Variants in NADSYN1 observed in about 807,000 individuals in gnomAD.
The protein encoded by NADSYN1 is glutamine-dependent NAD(+) synthetase.
Under a neutral mutation model 99.3 loss-of-function variants are expected in NADSYN1, and 80 were observed. The ratio of observed to expected loss-of-function variants is 0.81; its 90% CI spans 0.67 to 0.97. The LOEUF (loss-of-function observed/expected upper bound fraction) is 0.97, where lower values mean the gene tolerates loss of function less well. Ranked by LOEUF, NADSYN1 falls within the 50% of genes least tolerant of loss-of-function variation. The pLI, the probability that NADSYN1 is intolerant of heterozygous loss-of-function variation, is 0.00. For synonymous variants in NADSYN1, 385 were observed against 372.1 expected, an observed-to-expected ratio of 1.03 and a Z score of -0.40; for missense variants, 859 against 948.5, an observed-to-expected ratio of 0.91 and a Z score of 1.24.
chr11:71,469,925 C>CAAAAAAAAAAAAA (rs1187640837), intron 5 of NADSYN1, among the ~76,000 whole-genome samples: 2 of 23,978 alleles, frequency 8.3e-5, no homozygotes, highest in African/African-American at 2.2e-4. Flanking sequence ...GAGCCTGTCT[C>CAAAAAAAAAAAAA]AGAAAAAAAA....
At chr11:71,454,181 G>A (rs1169969286) in intron 1 of NADSYN1, among the ~76,000 whole-genome samples, 1 of 152,132 alleles carries the variant, frequency 6.6e-6, no homozygotes, top group African/African-American at 2.4e-5. Context: ...TCAAGAGATG[G>A]CATCTAATCA....
At position 71,472,491 on chromosome 11, in the gene NADSYN1, G is replaced by C. The variant is rs754952205; in HGVS notation, c.450G>C (p.Leu150=). 1 of 1,613,808 alleles carries C rather than the reference G, an allele frequency of 6.2e-7. No homozygotes were observed. Among genetic ancestry groups the C allele is most frequent in the Admixed American group, 1.7e-5 (1 of 60,028 alleles). The part of the protein sequence containing the change: ...EYFLPRMIQD[L]TKQETVPFGD... Reference sequence around the variant, plus strand: ...TTCTGCCTCGGATGATACAGGACCTGACAAAGCAGGTGAGTCCCTGGGTGT... The same window carrying C: ...TTCTGCCTCGGATGATACAGGACCTCACAAAGCAGGTGAGTCCCTGGGTGT... The change falls in exon 6 of 21, where the codon CTG becomes CTC. Residue 150 remains leucine, a synonymous_variant. Coordinates refer to ENST00000319023, the MANE Select transcript of NADSYN1 (RefSeq NM_018161.5).
chr11:71,490,972 C>G lies in NADSYN1; in HGVS notation c.1690C>G (p.Gln564Glu). 1 of 1,614,146 alleles carries G rather than the reference C, an allele frequency of 6.2e-7. No individual in the cohort carries two copies. Residue 564 changes from glutamine to glutamate, a missense_variant, in exon 17 of 21, where the codon CAG becomes GAG. By Grantham distance (29) the Gln-to-Glu change is conservative. Transcript: ENST00000319023. ...CIQRFQLPAL[Q>E]SILLAPATAE... ...CCAGCGCTTCCAGCTTCCTGCCCTG[C>G]AGAGGTGAGTGTGCTCACGGGCTGT... is the stretch of plus-strand genomic sequence containing the variant.
chr11:71,464,370 C>G (rs569021370), intron 5 of NADSYN1: 3 of 477,120 alleles, frequency 6.3e-6, no homozygotes, highest in East Asian at 7.3e-5. Flanking sequence ...GCAGCCCCGG[C>G]AGGGGCTCAG....
chr11:71,485,346 G>T, intron 15 of NADSYN1, 196 bp from the exon 16 acceptor site: 1 of 451,692 alleles, frequency 2.2e-6, no homozygotes, highest in South Asian at 2.9e-5. Flanking sequence ...CTGAGCTTGT[G>T]TGAGCCCTGT....
intron 16 of NADSYN1, among the ~76,000 whole-genome samples, chr11:71,488,997 C>T (rs937417527): frequency 1.4e-4 from 22 of 151,868 alleles, no homozygotes; most frequent in African/African-American, 5.1e-4. Context: ...GCCTGGCCAG[C>T]GCGCCCACAG....
intron 13 of NADSYN1, 28 bp from the exon 14 acceptor site, chr11:71,482,821 C>T (rs1218085377): frequency 6.2e-7 from 1 of 1,609,852 alleles, no homozygotes; most frequent in Admixed American, 1.7e-5. Context: ...CAGGTGACTT[C>T]CACCCATTCT....
chr11:71,468,341 G>A (rs1373108269), intron 5 of NADSYN1, among the ~76,000 whole-genome samples: 1 of 152,188 alleles, frequency 6.6e-6, no homozygotes, highest in Non-Finnish European at 1.5e-5. Context: ...AATGTCTAGT[G>A]TGTAGTAAAA....
At chr11:71,469,572 A>G (rs1949613820) in intron 5 of NADSYN1, among the ~76,000 whole-genome samples, 1 of 152,232 alleles carries the variant, frequency 6.6e-6, no homozygotes, top group Non-Finnish European at 1.5e-5. Context: ...CGGGAAACAA[A>G]GGGATGGGCT....
At position 71,453,267 on chromosome 11, in the gene NADSYN1, T is replaced by A. The variant is rs952189255; in HGVS notation, c.-30T>A. The stretch of plus-strand genomic sequence containing the variant: ...GGACCCTGGTCTTGCTGTCCCCCGC[T>A]GGCCTCCTGCCCAAGCGACTGCGGC... On this transcript the variant is annotated 5_prime_UTR_variant, in exon 1 of 21. Coordinates refer to ENST00000319023, the MANE Select transcript of NADSYN1 (RefSeq NM_018161.5). 2 of 1,606,444 alleles carry A rather than the reference T, an allele frequency of 1.2e-6. No homozygotes were observed. Among genetic ancestry groups the A allele is most frequent in the African/African-American group, 1.3e-5 (1 of 74,636 alleles).
chr11:71,477,250 G>A (rs1949674964), intron 9 of NADSYN1: 1 of 1,222,016 alleles, frequency 8.2e-7, no homozygotes, highest in African/African-American at 1.6e-5. Flanking sequence ...CTCGGGGAGA[G>A]TGGGATGGAG....
intron 3 of NADSYN1, chr11:71,460,312 C>G (rs566625269): frequency 2.2e-4 from 33 of 152,360 alleles, no homozygotes; most frequent in African/African-American, 7.2e-4. Flanking sequence ...GTCACTTCAC[C>G]AAGTTTTCTA....
At position 71,483,018 on chromosome 11, in the gene NADSYN1, G is replaced by T. The variant is rs1949719701; in HGVS notation, c.1319+1G>T. 1 of 1,611,682 alleles carries T rather than the reference G, an allele frequency of 6.2e-7. No individual in the cohort carries two copies. The highest frequency in any genetic ancestry group is 1.1e-5 in the South Asian group (1 of 90,994). On this transcript the variant is annotated splice_donor_variant, in intron 14 of 20. Coordinates refer to ENST00000319023, the MANE Select transcript of NADSYN1 (RefSeq NM_018161.5). LOFTEE classifies it high-confidence loss of function. ...GAGAGTTGGCCCAGCAGATTGGAAG[G>T]TAGAGTTGGTCCCTGGTATTGGGCA...
In NADSYN1 at chr11:71,474,666, C is replaced by T. The variant is rs539533919; in HGVS notation, c.798+140C>T. 3.6e-5 allele frequency: 41 copies of T among 1,152,880 alleles called. No homozygotes were observed. In the African/African-American group the frequency reaches 4.6e-4, roughly 13 times the overall value. The allele number at this position is 1,152,880 out of a possible 1,614,324, so 71.4% of individuals were successfully genotyped here. A position where few individuals can be genotyped will look rare whatever the true frequency, so the allele number is the denominator to read the frequency against. ...GGGTCCCGCCTGCTCCTGGCTCTCC[C>T]CTGTAAGCCGGGCGCTTAGTGAGGG... On this transcript the variant is annotated intron_variant, in intron 9 of 20. Transcript: ENST00000319023.
chr11:71,455,384 G>T (rs909531320), intron 2 of NADSYN1: 2 of 486,904 alleles, frequency 4.1e-6, no homozygotes, highest in African/African-American at 3.9e-5. Context: ...GTAATTAAAA[G>T]AACTGACTTT....
At chr11:71,456,117 G>T (rs1004730379) in intron 2 of NADSYN1, among the ~76,000 whole-genome samples, 2 of 152,164 alleles carry the variant, frequency 1.3e-5, no homozygotes, top group African/African-American at 4.8e-5. Context: ...CTGCCTTAGT[G>T]TGTGTTCTTG....
chr11:71,496,452 G>C (rs1053189965), intron 18 of NADSYN1: 8 of 152,190 alleles, frequency 5.3e-5, no homozygotes, highest in Non-Finnish European at 1.0e-4. Flanking sequence ...AACAGGGCTC[G>C]CGCTCCTATG....
intron 4 of NADSYN1, 103 bp downstream of exon 4, chr11:71,463,588 G>T: frequency 8.7e-7 from 1 of 1,154,404 alleles, no homozygotes. Context: ...ACCCGTTGCT[G>T]GGAGGCTGCT....
At chr11:71,461,954 G>A (rs902774348) in intron 3 of NADSYN1, among the ~76,000 whole-genome samples, 3 of 152,218 alleles carry the variant, frequency 2.0e-5, no homozygotes, top group Non-Finnish European at 2.9e-5. Flanking sequence ...TGTGGTGGCC[G>A]CAGCCAGGAC....
Sources: allele counts gnomAD v4.1 joint callset (sites outside exome capture counted in the v4.1 genomes callset), GRCh38; gene constraint gnomAD v4.1.1; transcripts MANE v1.5; gene names NCBI Gene and HGNC (gene_info 2026-07-23, HGNC 2026-07-21).